The following CDH13 variants were observed in gnomAD, a reference collection of about 807,000 sequenced individuals.
CDH13 encodes the protein cadherin-13.
In CDH13, 24 loss-of-function variants were observed where a neutral mutation model predicts 63.8. That is an observed-to-expected ratio of 0.38 (90% confidence interval 0.27 to 0.53). The LOEUF is 0.53. CDH13 is among the 20% of genes least tolerant of loss of function. CDH13 has a pLI of 0.85. For missense variants in CDH13, 1,049 were observed against 903.1 expected (o/e 1.16, Z -2.07); for synonymous variants, 503 against 355.3 (o/e 1.42, Z -4.67).
At chr16:83,657,481 C>T (rs967232250) in intron 8 of CDH13, among the ~76,000 whole-genome samples, 4 of 152,202 alleles carry the variant, frequency 2.6e-5, no homozygotes, top group Non-Finnish European at 4.4e-5. Context: ...GCACTTTAGA[C>T]ATAAAGTTCA....
chr16:83,420,694 C>G (rs561644931), intron 6 of CDH13, among the ~76,000 whole-genome samples: 1 of 152,324 alleles, frequency 6.6e-6, no homozygotes, highest in Non-Finnish European at 1.5e-5. Context: ...TAAAGTCCCA[C>G]TATAGGCCAT....
intron 4 of CDH13, among the ~76,000 whole-genome samples, chr16:83,142,835 G>A (rs2036592866): frequency 6.6e-6 from 1 of 152,170 alleles, no homozygotes; most frequent in African/African-American, 2.4e-5. Flanking sequence ...GGGCGCAGTG[G>A]CTTATACCTG....
intron 10 of CDH13, among the ~76,000 whole-genome samples, chr16:83,723,463 C>G (rs910840028): frequency 1.3e-5 from 2 of 152,242 alleles, no homozygotes; most frequent in African/African-American, 4.8e-5. Context: ...CATCAGCTCA[C>G]TGTGGCTCCC....
chr16:83,625,614 C>T (rs1218381278), intron 8 of CDH13, among the ~76,000 whole-genome samples: 1 of 152,218 alleles, frequency 6.6e-6, no homozygotes, highest in African/African-American at 2.4e-5. Flanking sequence ...ATTTGTGCCG[C>T]TCTTTTTCCT....
At chr16:82,900,169 C>T (rs571956208) in intron 2 of CDH13, among the ~76,000 whole-genome samples, 1 of 152,306 alleles carries the variant, frequency 6.6e-6, no homozygotes, top group South Asian at 2.1e-4. Context: ...TTGCTGGGCC[C>T]CTTTTAGATC....
chr16:83,573,358 G>A (rs1197772926), intron 7 of CDH13, among the ~76,000 whole-genome samples: 1 of 152,154 alleles, frequency 6.6e-6, no homozygotes, highest in African/African-American at 2.4e-5. Context: ...GGTGGGTCAG[G>A]AAGCCAATGG....
chr16:83,317,843 C>T (rs1397205836), intron 5 of CDH13, among the ~76,000 whole-genome samples: 1 of 151,936 alleles, frequency 6.6e-6, no homozygotes, highest in Non-Finnish European at 1.5e-5. Flanking sequence ...ATCAATGCTC[C>T]CCACTCCCAA....
chr16:83,485,141 T>G (rs1427009631), intron 6 of CDH13, among the ~76,000 whole-genome samples: 1 of 152,250 alleles, frequency 6.6e-6, no homozygotes, highest in Non-Finnish European at 1.5e-5. Context: ...TACTATCATT[T>G]TGGCAATTCC....
chr16:82,658,726 C>G (rs766592205), intron 1 of CDH13, among the ~76,000 whole-genome samples: 3 of 152,144 alleles, frequency 2.0e-5, no homozygotes, highest in African/African-American at 4.8e-5. Flanking sequence ...GATGGTTTGC[C>G]GTGACCTCTC....
At chr16:82,967,914 C>T (rs1908101119) in intron 2 of CDH13, among the ~76,000 whole-genome samples, 2 of 152,090 alleles carry the variant, frequency 1.3e-5, no homozygotes, top group African/African-American at 4.8e-5. Context: ...TACACAAATA[C>T]CTTGTTTCTT....
At chr16:83,109,204 G>A (rs1353503606) in intron 3 of CDH13, among the ~76,000 whole-genome samples, 2 of 152,144 alleles carry the variant, frequency 1.3e-5, no homozygotes, top group Non-Finnish European at 1.5e-5. Flanking sequence ...ATCATAGCAG[G>A]GAATGTGGTC....
chr16:83,665,064 C>T (rs969034464), intron 8 of CDH13, among the ~76,000 whole-genome samples: 1 of 152,108 alleles, frequency 6.6e-6, no homozygotes, highest in African/African-American at 2.4e-5. Flanking sequence ...TCTAATGCCG[C>T]TTTCCCTTCC....
chr16:83,750,823 C>T (rs1226282072), intron 11 of CDH13, among the ~76,000 whole-genome samples: 1 of 152,160 alleles, frequency 6.6e-6, no homozygotes, highest in Non-Finnish European at 1.5e-5. Flanking sequence ...GCCTCCAGAA[C>T]TGTAAGACAA....
rs71146101 is a variant in CDH13 at position 83,014,743 on chromosome 16, AATATAT to A, written c.158-17240_158-17235del. Among the ~76,000 whole-genome samples, 46 of 33,214 alleles carry A rather than the reference AATATAT, an allele frequency of 1.4e-3. 1 individual carries two copies. Among genetic ancestry groups the A allele is most frequent in the South Asian group, 4.7e-3 (4 of 846 alleles). 21.8% of individuals were successfully genotyped at this position (33,214 alleles called of 152,430 possible). A position where few individuals can be genotyped will look rare whatever the true frequency, so the allele number is the denominator to read the frequency against. On this transcript the variant is annotated intron_variant, in intron 2 of 13. Transcript: ENST00000567109. The stretch of plus-strand genomic sequence containing the variant: ...GAGACTCCATCTAAAAAAAAAAAAA[AATATAT>A]ATATATATATATATATATATATATA...
At chr16:82,797,839 CT>C (rs950001295) in intron 1 of CDH13, among the ~76,000 whole-genome samples, 4 of 150,702 alleles carry the variant, frequency 2.7e-5, no homozygotes, top group South Asian at 4.2e-4. Flanking sequence ...ACTTTTCCCC[CT>C]GTAATAGGAT....
At chr16:83,658,634 T>C (rs1317782720) in intron 8 of CDH13, among the ~76,000 whole-genome samples, 211 of 100,370 alleles carry the variant, frequency 2.1e-3, no homozygotes, top group East Asian at 0.018. Flanking sequence ...CAGCAAGGTC[T>C]CATGTCCTCA....
Position 82,959,650 on chromosome 16 carries a change from G to A in CDH13, c.158-72360G>A, listed in dbSNP as rs576486772. Among the ~76,000 whole-genome samples, 4 of 152,316 alleles carry A rather than the reference G, an allele frequency of 2.6e-5. No homozygotes were observed. In the East Asian group the frequency reaches 7.7e-4, roughly 29 times the overall value. ...GATTGCATTGGGTTCACCTGGGTAA[G>A]TGAGAAGACTCTTTTTAAGGTCAGC... On this transcript the variant is annotated intron_variant, in intron 2 of 13. Transcript: ENST00000567109.
intron 2 of CDH13, among the ~76,000 whole-genome samples, chr16:82,954,992 T>C (rs1271023013): frequency 6.6e-6 from 1 of 152,216 alleles, no homozygotes; most frequent in Admixed American, 6.5e-5. Flanking sequence ...CAAATAATAT[T>C]CCATTGCCTG....
At chr16:82,663,877 C>T (rs1252885281) in intron 1 of CDH13, among the ~76,000 whole-genome samples, 1 of 152,202 alleles carries the variant, frequency 6.6e-6, no homozygotes, top group African/African-American at 2.4e-5. Flanking sequence ...GGGCTTTCTT[C>T]TTGCTCTTCA....
Sources: allele counts gnomAD v4.1 joint callset (sites outside exome capture counted in the v4.1 genomes callset), GRCh38; gene constraint gnomAD v4.1.1; transcripts MANE v1.5; gene names NCBI Gene and HGNC (gene_info 2026-07-23, HGNC 2026-07-21).